Variants in BLNK observed in about 807,000 individuals in gnomAD.
BLNK encodes B cell linker.
In BLNK, 29 loss-of-function variants were observed where a neutral mutation model predicts 73.5. The observed-to-expected ratio is 0.39, with a 90% confidence interval of 0.29 to 0.54. The LOEUF (loss-of-function observed/expected upper bound fraction) is 0.54. Among genes scored for constraint, BLNK ranks in the 20% least tolerant of loss-of-function variants. The pLI is 0.61. For missense variants in BLNK, 460 were observed against 562.8 expected, an observed-to-expected ratio of 0.82 and a Z score of 1.85; for synonymous variants, 176 against 200.8, an observed-to-expected ratio of 0.88 and a Z score of 1.04.
intron 9 of BLNK, among the ~76,000 whole-genome samples, chr10:96,208,208 G>C (rs150097765): frequency 1.8e-4 from 28 of 152,206 alleles, no homozygotes; most frequent in African/African-American, 6.5e-4. Flanking sequence ...TCTTTGTCTT[G>C]AGTGTGAGGT....
intron 13 of BLNK, among the ~76,000 whole-genome samples, chr10:96,201,284 C>A (rs1554896079): frequency 6.6e-6 from 1 of 152,038 alleles, no homozygotes; most frequent in East Asian, 1.9e-4. Context: ...ACTATGAAAC[C>A]CAATTTTCCT....
At chr10:96,262,689 G>A (rs1171827400) in intron 1 of BLNK, among the ~76,000 whole-genome samples, 2 of 152,146 alleles carry the variant, frequency 1.3e-5, no homozygotes, top group African/African-American at 2.4e-5. Context: ...GAACGATTGT[G>A]GGAGCATTCT....
At position 96,271,505 on chromosome 10, in the gene BLNK, G is replaced by A. The variant is rs1277667515; in HGVS notation, c.-107C>T. The A allele has an allele frequency of 8.5e-6, 10 of 1,176,234 alleles. No homozygotes were observed. Among genetic ancestry groups the A allele is most frequent in the African/African-American group, 1.5e-5 (1 of 65,898 alleles). 72.9% of individuals were successfully genotyped at this position (1,176,234 alleles called of 1,614,324 possible). A position where few individuals can be genotyped will look rare whatever the true frequency, so the allele number is the denominator to read the frequency against. ...GTAAGCCTCTGGTCTCAAGGGTTCCGGCCACTCAAGTCTGATTTCTGAGAG... is the reference window on the plus strand; with the variant it reads ...GTAAGCCTCTGGTCTCAAGGGTTCCAGCCACTCAAGTCTGATTTCTGAGAG... On this transcript the variant is annotated 5_prime_UTR_variant, in exon 1 of 17. Transcript: ENST00000224337.
chr10:96,228,547 G>A (rs1412608839), intron 4 of BLNK, among the ~76,000 whole-genome samples: 1 of 152,186 alleles, frequency 6.6e-6, no homozygotes, highest in Non-Finnish European at 1.5e-5. Context: ...ATGAGCCACT[G>A]CGCCTGGCCT....
intron 8 of BLNK, among the ~76,000 whole-genome samples, chr10:96,214,207 GA>G (rs2084010864): frequency 6.6e-6 from 1 of 152,128 alleles, no homozygotes. Context: ...AGAGGGAGAG[GA>G]AATGCCTGTG....
chr10:96,240,546 C>T (rs1244104299), intron 3 of BLNK, among the ~76,000 whole-genome samples: 1 of 152,110 alleles, frequency 6.6e-6, no homozygotes, highest in Admixed American at 6.5e-5. Flanking sequence ...AGGTGTGAGC[C>T]CCTGTGCCTG....
chr10:96,255,277 G>A (rs1402225962), intron 1 of BLNK, among the ~76,000 whole-genome samples: 2 of 152,130 alleles, frequency 1.3e-5, no homozygotes, highest in Non-Finnish European at 2.9e-5. Context: ...CAGATATTTC[G>A]GCCAGATCAC....
intron 8 of BLNK, among the ~76,000 whole-genome samples, chr10:96,214,983 C>T (rs2084031122): frequency 4.6e-5 from 7 of 152,090 alleles, no homozygotes; most frequent in Admixed American, 4.6e-4. Context: ...TGGCTCAAAA[C>T]CAAGCTTGTA....
chr10:96,214,244 A>G (rs150465225), intron 8 of BLNK, among the ~76,000 whole-genome samples: 19 of 152,168 alleles, frequency 1.2e-4, no homozygotes, highest in Admixed American at 4.6e-4. Flanking sequence ...AGGCTCCTAC[A>G]CCTCTCTGTG....
intron 1 of BLNK, among the ~76,000 whole-genome samples, chr10:96,249,487 C>G (rs1176078961): frequency 3.3e-5 from 5 of 152,220 alleles, no homozygotes; most frequent in Non-Finnish European, 7.3e-5. Context: ...TGGGTCTGCT[C>G]TATTGAGGGC....
chr10:96,243,264 G>A (rs1482447187), intron 2 of BLNK, among the ~76,000 whole-genome samples: 2 of 152,206 alleles, frequency 1.3e-5, no homozygotes, highest in Admixed American at 6.5e-5. Flanking sequence ...ACGCAAATAA[G>A]CCAGACACAC....
At chr10:96,224,140 T>C in intron 5 of BLNK, 151 bp from the exon 6 acceptor site, 1 of 902,412 alleles carries the variant, frequency 1.1e-6, no homozygotes, top group South Asian at 1.7e-5. Context: ...TAAAGTGAAA[T>C]GTTAGGCCCA....
intron 5 of BLNK, among the ~76,000 whole-genome samples, chr10:96,226,881 C>T (rs1042634028): frequency 7.2e-5 from 11 of 151,938 alleles, no homozygotes; most frequent in Admixed American, 3.3e-4. Flanking sequence ...CAAGCTGTGT[C>T]CATTTAACCC....
chr10:96,264,960 C>CTTA (rs539035133), intron 1 of BLNK, among the ~76,000 whole-genome samples: 66 of 151,608 alleles, frequency 4.4e-4, no homozygotes, highest in African/African-American at 7.3e-4. Flanking sequence ...AGAATTTGGC[C>CTTA]TTATTATTAT....
rs138042749 is a variant in BLNK at position 96,267,667 on chromosome 10, C to T, written c.47+3685G>A. Among the ~76,000 whole-genome samples the T allele has an allele frequency of 1.8e-4, 27 of 152,266 alleles. No homozygotes were observed. The East Asian group carries it at 2.3e-3, about 13-fold the overall frequency. ...TAACATTATTAGTCACTTAGATGAA[C>T]GCAGAGAAGGAATGTTTGTCACATC... On this transcript the variant is annotated intron_variant, in intron 1 of 16. Coordinates refer to ENST00000224337, the MANE Select transcript of BLNK (RefSeq NM_013314.4).
At chr10:96,194,479 A>C (rs1310796388) in intron 16 of BLNK, among the ~76,000 whole-genome samples, 3 of 152,232 alleles carry the variant, frequency 2.0e-5, no homozygotes, top group African/African-American at 7.2e-5. Flanking sequence ...GCATAGGCAA[A>C]AAAAGCAAAA....
At chr10:96,201,097 A>C in intron 13 of BLNK, 39 bp from the exon 14 acceptor site, 1 of 1,559,380 alleles carries the variant, frequency 6.4e-7, no homozygotes, top group Non-Finnish European at 8.8e-7. Flanking sequence ...TAATCTTCAT[A>C]TTTCTTGAAC....
chr10:96,254,804 C>A (rs966869162), intron 1 of BLNK, among the ~76,000 whole-genome samples: 1 of 152,222 alleles, frequency 6.6e-6, no homozygotes, highest in Non-Finnish European at 1.5e-5. Flanking sequence ...AGCCACCACA[C>A]CTGGCCCTTC....
Position 96,200,944 on chromosome 10 carries a change from T to C in BLNK, c.1011+38A>G. On this transcript the variant is annotated intron_variant, in intron 14 of 16. Transcript: ENST00000224337. The surrounding 1 kb of genome is among the most constrained non-coding windows in gnomAD (Gnocchi z 4.3). The stretch of plus-strand genomic sequence containing the variant: ...AGACATGCTCTTTCCTGCAGTTTCC[T>C]GGTAACAATTTAGTGACATCAAGAG... 1.3e-6 allele frequency: 2 copies of C among 1,572,886 alleles called. No individual in the cohort carries two copies. The highest frequency in any genetic ancestry group is 1.1e-5 in the South Asian group (1 of 90,268).
Sources: gnomAD v4.1 joint callset for allele counts (sites outside exome capture counted in the v4.1 genomes callset) on GRCh38, gnomAD v4.1.1 for gene constraint, Gnocchi (gnomAD v3.1) non-coding constraint, MANE v1.5 for transcripts, NCBI Gene and HGNC (gene_info 2026-07-23, HGNC 2026-07-21) for gene names.